The following CSMD2 variants were observed in gnomAD, a reference collection of about 807,000 sequenced individuals.
CSMD2 encodes the protein CUB and Sushi multiple domains 2, also known as CUB and sushi domain-containing protein 2.
In CSMD2, 130 loss-of-function variants were observed where a neutral mutation model predicts 398.5. The ratio of observed to expected loss-of-function variants is 0.33; its 90% CI spans 0.28 to 0.38. The LOEUF is 0.38. Among genes scored for constraint, CSMD2 ranks in the 10% least tolerant of loss-of-function variants. The pLI, the probability that CSMD2 is intolerant of heterozygous loss-of-function variation, is 1.00. For synonymous variants in CSMD2, 1,828 were observed against 1,908.5 expected, an observed-to-expected ratio of 0.96 and a Z score of 1.10; for missense variants, 3,829 against 4,764.9, an observed-to-expected ratio of 0.80 and a Z score of 5.78.
chr1:33,521,597 G>C, intron 67 of CSMD2, 47 bp from the exon 68 acceptor site: 1 of 1,162,692 alleles, frequency 8.6e-7, no homozygotes, highest in Non-Finnish European at 1.3e-6. Context: ...CTGCTGGAAG[G>C]ATCTAGAACT....
Position 33,725,038 on chromosome 1 carries a change from T to C in CSMD2, c.2695+311A>G, listed in dbSNP as rs181979177. On this transcript the variant is annotated intron_variant, in intron 17 of 70. Transcript: ENST00000373381. ...ACAAGTGTGGGTGTGAGATGCCATCTTGGGTTAACTTCATGGTCAGTCAAA... is the reference window on the plus strand; with the variant it reads ...ACAAGTGTGGGTGTGAGATGCCATCCTGGGTTAACTTCATGGTCAGTCAAA... Among the ~76,000 whole-genome samples, 116 of 152,330 alleles carry C rather than the reference T, an allele frequency of 7.6e-4. 3 individuals carry two copies. Among genetic ancestry groups the C allele is most frequent in the Admixed American group, 6.5e-3 (100 of 15,298 alleles).
rs144218787 is a variant in CSMD2 at position 33,633,863 on chromosome 1, A to T, written c.5087-328T>A. 4.9e-3 allele frequency among the ~76,000 whole-genome samples: 746 copies of T among 152,294 alleles called. 11 individuals are homozygous for T. The highest frequency in any genetic ancestry group is 0.017 in the African/African-American group (689 of 41,564). The stretch of plus-strand genomic sequence containing the variant: ...GATAGCAGCTGCAGCAGCTATCTGG[A>T]GGCCATCAGAGGGCTTTGGGTACCA... On this transcript the variant is annotated intron_variant, in intron 31 of 70. Coordinates refer to ENST00000373381, the MANE Select transcript of CSMD2 (RefSeq NM_001281956.2). The surrounding 1 kb of genome is among the most constrained non-coding windows in gnomAD (Gnocchi z 5.0).
chr1:34,154,284 T>C (rs1640599662), intron 1 of CSMD2, among the ~76,000 whole-genome samples: 1 of 152,172 alleles, frequency 6.6e-6, no homozygotes, highest in Admixed American at 6.5e-5. Context: ...TGGGCACTCT[T>C]AGTGGAAATG....
At chr1:34,003,109 C>A (rs1271000626) in intron 3 of CSMD2, among the ~76,000 whole-genome samples, 1 of 152,138 alleles carries the variant, frequency 6.6e-6, no homozygotes, top group African/African-American at 2.4e-5. Context: ...TACTCTCCTG[C>A]CTCTTCACAC....
Position 33,724,531 on chromosome 1 carries a change from G to A in CSMD2, c.2869C>T (p.Leu957=). 1 of 1,614,000 alleles carries A rather than the reference G, an allele frequency of 6.2e-7. No individual in the cohort carries two copies. Among genetic ancestry groups the A allele is most frequent in the Non-Finnish European group, 8.5e-7 (1 of 1,179,902 alleles). ...TGTCCCTCACCTTCACAACTGGGCA[G>A]GGCCCGGCTCCACTGGAAGTTGGGC... is the stretch of plus-strand genomic sequence containing the variant. ...CEPNFQWSRA[L]PSCEALCGGF... is the part of the protein sequence containing the mutation. Residue 957 remains leucine, a synonymous_variant, in exon 18 of 71, where the codon CTG becomes TTG. Coordinates refer to ENST00000373381, the MANE Select transcript of CSMD2 (RefSeq NM_001281956.2).
chr1:33,963,440 G>A (rs576622859), intron 3 of CSMD2, among the ~76,000 whole-genome samples: 1 of 152,248 alleles, frequency 6.6e-6, no homozygotes, highest in African/African-American at 2.4e-5. Flanking sequence ...TATTTAAAAT[G>A]TACACTTTGT....
Position 33,743,436 on chromosome 1 carries a change from C to T in CSMD2, c.2017G>A (p.Val673Ile), listed in dbSNP as rs1020441793. The change falls in exon 14 of 71, where the codon GTC becomes ATC. Residue 673 changes from valine (V) to isoleucine (I), a missense_variant. Physicochemically the swap from Val to Ile is conservative, Grantham distance 29. This residue lies in a region of CSMD2 where 2,001 missense variants were observed against 2,567.1 expected (regional missense o/e 0.78). Transcript: ENST00000373381. ...IDVEPQFDFL[V>I]IKDGATAEAP... ...TCGGCGGTGGCCCCATCCTTGATGA[C>T]CAGGAAATCAAACTGAGGCTCCACG... 1 of 1,614,140 alleles carries T rather than the reference C, an allele frequency of 6.2e-7. No homozygotes were observed. The highest frequency in any genetic ancestry group is 2.2e-5 in the East Asian group (1 of 44,874).
At chr1:33,719,086 G>GA (rs397864211) in intron 19 of CSMD2, among the ~76,000 whole-genome samples, 9 of 151,778 alleles carry the variant, frequency 5.9e-5, no homozygotes, top group African/African-American at 1.5e-4. Context: ...GGAAGAATGG[G>GA]AACTATGCCT....
intron 1 of CSMD2, among the ~76,000 whole-genome samples, chr1:34,093,052 T>C (rs1422487036): frequency 6.6e-6 from 1 of 152,192 alleles, no homozygotes; most frequent in Non-Finnish European, 1.5e-5. Flanking sequence ...AGTACGCAGC[T>C]GGAGATCTGA....
intron 2 of CSMD2, among the ~76,000 whole-genome samples, chr1:34,060,652 T>C (rs1318075965): frequency 1.5e-5 from 1 of 65,850 alleles, no homozygotes; most frequent in Admixed American, 1.2e-4. Context: ...CCCTGTTTCC[T>C]TTTTTTTTTT....
At chr1:34,043,080 C>T (rs942957634) in intron 2 of CSMD2, among the ~76,000 whole-genome samples, 2 of 151,942 alleles carry the variant, frequency 1.3e-5, no homozygotes, top group African/African-American at 2.4e-5. Context: ...CCCGCCACCA[C>T]GCCCAGCTAA....
chr1:33,606,253 G>C (rs1396981416), intron 41 of CSMD2, among the ~76,000 whole-genome samples: 1 of 152,212 alleles, frequency 6.6e-6, no homozygotes, highest in Non-Finnish European at 1.5e-5. Flanking sequence ...ACTCCACTCA[G>C]GAAATTGGCA....
At chr1:34,140,297 A>AAAAAAAAAAAAC (rs1553330754) in intron 1 of CSMD2, among the ~76,000 whole-genome samples, 1 of 112,368 alleles carries the variant, frequency 8.9e-6, no homozygotes, top group Non-Finnish European at 2.1e-5. Flanking sequence ...CATATGCAAA[A>AAAAAAAAAAAAC]AAACAAACAA....
At chr1:33,616,860 G>C (rs763851371) in intron 39 of CSMD2, 46 bp downstream of exon 39, 3 of 1,486,248 alleles carry the variant, frequency 2.0e-6, no homozygotes, top group Admixed American at 3.4e-5. Flanking sequence ...TAAGATCCCT[G>C]AGAGAAAATT....
At chr1:33,720,133 A>T (rs1463578872) in intron 19 of CSMD2, among the ~76,000 whole-genome samples, 1 of 152,212 alleles carries the variant, frequency 6.6e-6, no homozygotes, top group Non-Finnish European at 1.5e-5. Flanking sequence ...AGAAACAGAG[A>T]ACGAAGAATG....
intron 57 of CSMD2, 63 bp from the exon 58 acceptor site, chr1:33,542,959 T>A (rs955036219): frequency 6.9e-7 from 1 of 1,456,834 alleles, no homozygotes; most frequent in East Asian, 2.3e-5. Flanking sequence ...AGGGGACTGA[T>A]AACTGCCCAG....
intron 3 of CSMD2, among the ~76,000 whole-genome samples, chr1:33,975,905 T>C (rs1645945949): frequency 6.6e-6 from 1 of 152,206 alleles, no homozygotes; most frequent in African/African-American, 2.4e-5. Flanking sequence ...CCTCTAAGCA[T>C]GGCTAATGAG....
At position 33,546,019 on chromosome 1, in the gene CSMD2, AATGGTCACAT is replaced by A; in HGVS notation, c.9100+8_9100+17del. The A allele has an allele frequency of 1.9e-6, 3 of 1,593,840 alleles. No homozygotes were observed. Among genetic ancestry groups the A allele is most frequent in the Non-Finnish European group, 2.6e-6 (3 of 1,164,588 alleles). On this transcript the variant is annotated splice_region_variant and intron_variant, in intron 57 of 70. Coordinates refer to ENST00000373381, the MANE Select transcript of CSMD2 (RefSeq NM_001281956.2). ...GGGGCTGGGCAAAGGGGAGAAGCAG[AATGGTCACAT>A]ACATTACCTCCACACTCAGGCTGCG...
intron 19 of CSMD2, among the ~76,000 whole-genome samples, chr1:33,720,853 C>T (rs1288862971): frequency 1.3e-5 from 2 of 152,014 alleles, no homozygotes; most frequent in Admixed American, 6.6e-5. Context: ...ATGTGCCACC[C>T]CCGCCAAATA....
Sources: gnomAD v4.1 joint callset for allele counts (sites outside exome capture counted in the v4.1 genomes callset) on GRCh38, gnomAD v4.1.1 for gene constraint, gnomAD v4.1.1 regional missense constraint, Gnocchi (gnomAD v3.1) non-coding constraint, MANE v1.5 for transcripts, NCBI Gene and HGNC (gene_info 2026-07-23, HGNC 2026-07-21) for gene names.